Variants in NDFIP2 observed in about 807,000 individuals in gnomAD.
NDFIP2 encodes NEDD4 family-interacting protein 2.
A neutral mutation model predicts 36.0 loss-of-function variants in NDFIP2; 19 were observed. The observed-to-expected ratio is 0.53, with a 90% CI of 0.37 to 0.77. The LOEUF (loss-of-function observed/expected upper bound fraction) is 0.77. Among genes scored for constraint, NDFIP2 ranks in the 30% least tolerant of loss-of-function variants. The pLI is 0.00. For missense variants in NDFIP2, 446 were observed against 435.8 expected (o/e 1.02, Z -0.21); for synonymous variants, 181 against 167.7 (o/e 1.08, Z -0.61).
intron 2 of NDFIP2, among the ~76,000 whole-genome samples, chr13:79,531,987 C>G (rs1875035531): frequency 6.6e-6 from 1 of 152,166 alleles, no homozygotes; most frequent in African/African-American, 2.4e-5. Context: ...TTGTTTCTAG[C>G]TTTTGAATTA....
intron 6 of NDFIP2, among the ~76,000 whole-genome samples, chr13:79,550,585 C>A (rs574017319): frequency 6.6e-6 from 1 of 151,438 alleles, no homozygotes; most frequent in Non-Finnish European, 1.5e-5. Context: ...TTGTTAGTAA[C>A]CTCATGTATA....
chr13:79,548,154 A>C (rs1337358736), intron 5 of NDFIP2, among the ~76,000 whole-genome samples, 174 bp from the exon 6 acceptor site: 4 of 152,106 alleles, frequency 2.6e-5, no homozygotes, highest in African/African-American at 9.7e-5. Flanking sequence ...TTTTTTCTCA[A>C]ATAATTTATA....
rs957321854 is a variant in NDFIP2, at chr13:79,555,086, T to C, written c.*2573T>C. ...TAGCCTATTTTGAGTCTATAAGATA[T>C]ATTTCATTTTAGACATGCCTTCTAA... On this transcript the variant is annotated 3_prime_UTR_variant, in exon 8 of 8. Transcript: ENST00000218652. 1 of 151,636 alleles carries C rather than the reference T, an allele frequency of 6.6e-6. No homozygotes were observed. The highest frequency in any genetic ancestry group is 1.5e-5 in the Non-Finnish European group (1 of 67,814). The allele number at this position is 151,636 out of a possible 1,614,324, so 9.4% of individuals were successfully genotyped here.
chr13:79,551,171 A>G (rs754377069), intron 7 of NDFIP2, 49 bp downstream of exon 7: 68 of 1,172,100 alleles, frequency 5.8e-5, no homozygotes, highest in Non-Finnish European at 7.6e-5. Context: ...TATGTATTCA[A>G]ATTTGCCAGA....
rs973486538 is a variant in NDFIP2 at position 79,519,496 on chromosome 13, C to T, written c.322-1314C>T. On this transcript the variant is annotated intron_variant, in intron 1 of 7. Transcript: ENST00000218652. ...AAAGTTTACCATAAATGAAGTAAAACGTCTTCAGTCACACTGCTTGGCTTT... is the reference window on the plus strand; with the variant it reads ...AAAGTTTACCATAAATGAAGTAAAATGTCTTCAGTCACACTGCTTGGCTTT... 3.9e-5 allele frequency among the ~76,000 whole-genome samples: 6 copies of T among 152,138 alleles called. No individual in the cohort carries two copies. In the South Asian group the frequency reaches 8.3e-4, roughly 21 times the overall value.
At chr13:79,503,506 T>C (rs1873746760) in intron 1 of NDFIP2, among the ~76,000 whole-genome samples, 1 of 152,078 alleles carries the variant, frequency 6.6e-6, no homozygotes, top group Non-Finnish European at 1.5e-5. Context: ...ATAGGCTCAG[T>C]GGAAGTAAGG....
intron 2 of NDFIP2, among the ~76,000 whole-genome samples, chr13:79,525,374 CAGAT>C (rs1383445445): frequency 3.3e-5 from 5 of 152,220 alleles, no homozygotes; most frequent in African/African-American, 4.8e-5. Context: ...CACAATTTCA[CAGAT>C]AGAAGATTCG....
intron 1 of NDFIP2, among the ~76,000 whole-genome samples, chr13:79,501,528 C>A (rs1035434647): frequency 4.6e-5 from 7 of 151,992 alleles, no homozygotes; most frequent in African/African-American, 1.7e-4. Flanking sequence ...TACATGATTG[C>A]TAACTTTGAG....
rs188557371 is a variant in NDFIP2 at position 79,548,324 on chromosome 13, A to T, written c.841-4A>T. 3.4e-5 allele frequency: 54 copies of T among 1,570,182 alleles called. No homozygotes were observed. The highest frequency in any genetic ancestry group is 4.1e-5 in the African/African-American group (3 of 73,384). Reference sequence around the variant, plus strand: ...CGGTTAATATATTTATGTTCACTCCATAGTTTTCTGATTATTTTACTGGAT... The same window carrying T: ...CGGTTAATATATTTATGTTCACTCCTTAGTTTTCTGATTATTTTACTGGAT... On this transcript the variant is annotated splice_polypyrimidine_tract_variant and splice_region_variant and intron_variant, in intron 5 of 7. Transcript: ENST00000218652.
At chr13:79,485,580 G>GT (rs1009463688) in intron 1 of NDFIP2, among the ~76,000 whole-genome samples, 15 of 151,954 alleles carry the variant, frequency 9.9e-5, no homozygotes, top group African/African-American at 3.6e-4. Context: ...TCTCTTGTTT[G>GT]TTTCTTTTGA....
chr13:79,542,829 C>T (rs191495879), intron 4 of NDFIP2, among the ~76,000 whole-genome samples: 1 of 151,734 alleles, frequency 6.6e-6, no homozygotes, highest in Non-Finnish European at 1.5e-5. Context: ...CTGAGGAAAC[C>T]CATAAAGTAT....
At chr13:79,523,552 T>C (rs976320372) in intron 2 of NDFIP2, among the ~76,000 whole-genome samples, 6 of 152,150 alleles carry the variant, frequency 3.9e-5, no homozygotes, top group African/African-American at 9.7e-5. Flanking sequence ...TACATACTTA[T>C]GATAAAGTTT....
At chr13:79,531,289 A>G (rs1165007482) in intron 2 of NDFIP2, among the ~76,000 whole-genome samples, 1 of 152,200 alleles carries the variant, frequency 6.6e-6, no homozygotes, top group Non-Finnish European at 1.5e-5. Flanking sequence ...TTGTTGTTCC[A>G]TTTATGGAGC....
At chr13:79,497,795 GGTGTGTGT>G (rs769463873) in intron 1 of NDFIP2, among the ~76,000 whole-genome samples, 25 of 128,912 alleles carry the variant, frequency 1.9e-4, no homozygotes, top group Non-Finnish European at 3.5e-4. Flanking sequence ...ATCTGTGGGG[GGTGTGTGT>G]GTGTGTGTGT....
chr13:79,512,124 A>G (rs1453361740), intron 1 of NDFIP2, among the ~76,000 whole-genome samples: 1 of 152,162 alleles, frequency 6.6e-6, no homozygotes, highest in Non-Finnish European at 1.5e-5. Flanking sequence ...TTACATGCAA[A>G]TCAGAAACTT....
At chr13:79,482,530 A>T (rs919324472) in intron 1 of NDFIP2, among the ~76,000 whole-genome samples, 1 of 152,134 alleles carries the variant, frequency 6.6e-6, no homozygotes, top group Non-Finnish European at 1.5e-5. Context: ...GAAAAACAAT[A>T]CATAGCACTG....
At chr13:79,521,264 C>A (rs1451258585) in intron 2 of NDFIP2, among the ~76,000 whole-genome samples, 1 of 151,898 alleles carries the variant, frequency 6.6e-6, no homozygotes, top group Non-Finnish European at 1.5e-5. Flanking sequence ...TAGTGATATC[C>A]CATACATATG....
At chr13:79,487,338 G>A (rs958363751) in intron 1 of NDFIP2, among the ~76,000 whole-genome samples, 4 of 152,130 alleles carry the variant, frequency 2.6e-5, no homozygotes, top group Non-Finnish European at 5.9e-5. Flanking sequence ...CCATGTTTTT[G>A]TGTATATCAG....
rs1876095275 is a variant in NDFIP2 at position 79,555,947 on chromosome 13, T to C, written c.*3434T>C. 2.0e-5 allele frequency: 3 copies of C among 152,172 alleles called. No homozygotes were observed. The highest frequency in any genetic ancestry group is 2.0e-4 in the Admixed American group (3 of 15,274). The allele number at this position is 152,172 out of a possible 1,614,324, so 9.4% of individuals were successfully genotyped here. On this transcript the variant is annotated 3_prime_UTR_variant, in exon 8 of 8. Transcript: ENST00000218652. ...TGTTTATGTGACAAACCTTTCAAGA[T>C]TGGAGATGAAAACAACACTTGTGAA...
Sources: gnomAD v4.1 joint callset for allele counts (sites outside exome capture counted in the v4.1 genomes callset) on GRCh38, gnomAD v4.1.1 for gene constraint, MANE v1.5 for transcripts, NCBI Gene and HGNC (gene_info 2026-07-23, HGNC 2026-07-21) for gene names.